The following CACNA1C variants were observed in gnomAD, a reference collection of about 807,000 sequenced individuals.
CACNA1C encodes calcium voltage-gated channel subunit alpha1 C.
Under a neutral mutation model 229.0 loss-of-function variants are expected in CACNA1C, and 30 were observed. The ratio of observed to expected loss-of-function variants is 0.13; its 90% CI spans 0.10 to 0.18. The LOEUF is 0.18. CACNA1C is among the 10% of genes least tolerant of loss of function. The pLI is 1.00. For synonymous variants in CACNA1C, 1,114 were observed against 1,132.5 expected, an observed-to-expected ratio of 0.98 and a Z score of 0.33; for missense variants, 1,658 against 2,845.0, an observed-to-expected ratio of 0.58 and a Z score of 9.49.
chr12:2,037,441 G>A (rs2049338400), intron 1 of CACNA1C, among the ~76,000 whole-genome samples: 1 of 152,212 alleles, frequency 6.6e-6, no homozygotes, highest in South Asian at 2.1e-4. Flanking sequence ...TTAGCTGTGA[G>A]TTAAAGTATC....
At chr12:2,628,102 G>A (rs950126848) in intron 29 of CACNA1C, among the ~76,000 whole-genome samples, 1 of 152,234 alleles carries the variant, frequency 6.6e-6, no homozygotes, top group Non-Finnish European at 1.5e-5. Flanking sequence ...GGACTTCGTC[G>A]TGGACGCCTT....
At chr12:2,577,470 A>T (rs2058829502) in intron 13 of CACNA1C, among the ~76,000 whole-genome samples, 1 of 152,228 alleles carries the variant, frequency 6.6e-6, no homozygotes, top group African/African-American at 2.4e-5. Flanking sequence ...TATTAGTTTG[A>T]TGCATGGTCT....
Position 2,191,691 on chromosome 12 carries a change from C to G in CACNA1C, c.477+71261C>G, listed in dbSNP as rs537169767. Reference sequence around the variant, plus strand: ...ACTCATACAGGCACACACGTACACCCAGGCACATGCACACATGGTCTCATA... The same window carrying G: ...ACTCATACAGGCACACACGTACACCGAGGCACATGCACACATGGTCTCATA... On this transcript the variant is annotated intron_variant, in intron 3 of 46. Coordinates refer to ENST00000399655, the MANE Select transcript of CACNA1C (RefSeq NM_000719.7). Among the ~76,000 whole-genome samples the G allele has an allele frequency of 5.3e-5, 8 of 151,944 alleles. No individual in the cohort carries two copies. In the South Asian group the frequency reaches 1.0e-3, roughly 20 times the overall value.
chr12:1,989,940 T>C (rs188505486), intron 1 of CACNA1C, among the ~76,000 whole-genome samples: 7 of 152,356 alleles, frequency 4.6e-5, no homozygotes, highest in Admixed American at 2.6e-4. Flanking sequence ...TAATAACTGA[T>C]ATATGCTTGA....
In CACNA1C at chr12:2,669,106, G is replaced by GC. The variant is rs3834937; in HGVS notation, c.4726+73dup. On this transcript the variant is annotated intron_variant, in intron 38 of 46. Transcript: ENST00000399655. The stretch of plus-strand genomic sequence containing the variant: ...CAGACAATCAGAGAGGAGCTCGGCA[G>GC]CCTGCAAAGTGCTCAAGGGAACTTC... The GC allele has an allele frequency of 0.058, 62,418 of 1,077,638 alleles. 3,050 individuals are homozygous for GC. The highest frequency in any genetic ancestry group is 0.16 in the East Asian group (6,922 of 42,406). The allele number at this position is 1,077,638 out of a possible 1,614,324, so 66.8% of individuals were successfully genotyped here. A position where few individuals can be genotyped will look rare whatever the true frequency, so the allele number is the denominator to read the frequency against.
At chr12:2,452,434 G>A (rs933035047) in intron 4 of CACNA1C, among the ~76,000 whole-genome samples, 6 of 152,122 alleles carry the variant, frequency 3.9e-5, no homozygotes, top group Non-Finnish European at 8.8e-5. Flanking sequence ...TGGAGGCCCT[G>A]CCTTTCCCAT....
chr12:2,685,854 G>T lies in CACNA1C; in HGVS notation c.5680+12G>T. 2 of 1,579,576 alleles carry T rather than the reference G, an allele frequency of 1.3e-6. No homozygotes were observed. The highest frequency in any genetic ancestry group is 1.7e-6 in the Non-Finnish European group (2 of 1,148,644). Reference sequence around the variant, plus strand: ...CTCTGCCTCACTAGGTAAATGCACCGCTCGCTCTCTGGATGTGGTCGGCGG... The same window carrying T: ...CTCTGCCTCACTAGGTAAATGCACCTCTCGCTCTCTGGATGTGGTCGGCGG... On this transcript the variant is annotated intron_variant, in intron 44 of 46. Coordinates refer to ENST00000399655, the MANE Select transcript of CACNA1C (RefSeq NM_000719.7).
intron 5 of CACNA1C, among the ~76,000 whole-genome samples, chr12:2,460,461 G>GA (rs1383768741): frequency 6.6e-6 from 1 of 152,212 alleles, no homozygotes; most frequent in Non-Finnish European, 1.5e-5. Context: ...TTCTTAATTA[G>GA]AGATGAATAT....
At chr12:2,347,005 G>C (rs1028750446) in intron 3 of CACNA1C, among the ~76,000 whole-genome samples, 1 of 152,122 alleles carries the variant, frequency 6.6e-6, no homozygotes, top group Non-Finnish European at 1.5e-5. Context: ...GAGGCCATCT[G>C]ACCCCCTTTC....
chr12:2,374,441 A>G (rs73607721), intron 3 of CACNA1C, among the ~76,000 whole-genome samples: 1,951 of 152,304 alleles, frequency 0.013, 45 homozygotes, highest in African/African-American at 0.042. Context: ...TCGTAACTCA[A>G]TATTCCAGCC....
intron 37 of CACNA1C, chr12:2,668,449 C>G (rs2096357506): frequency 6.5e-6 from 1 of 154,076 alleles, no homozygotes; most frequent in Non-Finnish European, 1.4e-5. Flanking sequence ...CCAGCATCCT[C>G]TGTGTATTAG....
intron 39 of CACNA1C, among the ~76,000 whole-genome samples, chr12:2,674,855 GCACAA>G (rs1178006167): frequency 6.6e-6 from 1 of 152,192 alleles, no homozygotes. Flanking sequence ...GCAACGCCCT[GCACAA>G]ACTCAGAAAC....
Position 2,034,407 on chromosome 12 carries a change from C to T in CACNA1C, c.139+63206C>T, listed in dbSNP as rs1269629657. Among the ~76,000 whole-genome samples, 2 of 152,238 alleles carry T rather than the reference C, an allele frequency of 1.3e-5. No homozygotes were observed. The highest frequency in any genetic ancestry group is 4.8e-5 in the African/African-American group (2 of 41,462). On this transcript the variant is annotated intron_variant, in intron 1 of 46. Coordinates refer to the CACNA1C transcript ENST00000682462. The surrounding 1 kb of genome is among the most constrained non-coding windows in gnomAD (Gnocchi z 4.1). Reference sequence around the variant, plus strand: ...AGATTCCACGCAACCTGATAAAGAACTTGCTCATGGTCAGAGTTGTCCAGA... The same window carrying T: ...AGATTCCACGCAACCTGATAAAGAATTTGCTCATGGTCAGAGTTGTCCAGA...
intron 1 of CACNA1C, chr12:1,993,416 G>A: frequency 1.2e-6 from 2 of 1,603,308 alleles, no homozygotes; most frequent in Non-Finnish European, 1.7e-6. Flanking sequence ...GAGTCAGGGG[G>A]AAATCAATAG....
intron 3 of CACNA1C, among the ~76,000 whole-genome samples, chr12:2,124,122 G>A (rs2088673746): frequency 6.9e-6 from 1 of 144,166 alleles, no homozygotes; most frequent in Non-Finnish European, 1.5e-5. Flanking sequence ...GTGTGTGTGT[G>A]TGTGTGTGTG....
chr12:2,062,854 C>T (rs1594761512), intron 1 of CACNA1C, among the ~76,000 whole-genome samples: 1 of 152,324 alleles, frequency 6.6e-6, no homozygotes, highest in South Asian at 2.1e-4. Context: ...AAACGAGATT[C>T]CCGTGAGTCC....
At position 2,639,878 on chromosome 12, in the gene CACNA1C, G is replaced by C. The variant is rs1425989577; in HGVS notation, c.3912+5498G>C. Among the ~76,000 whole-genome samples the C allele has an allele frequency of 6.6e-6, 1 of 152,160 alleles. No individual in the cohort carries two copies. The highest frequency in any genetic ancestry group is 2.4e-5 in the African/African-American group (1 of 41,432). On this transcript the variant is annotated intron_variant, in intron 30 of 46. Coordinates refer to ENST00000399655, the MANE Select transcript of CACNA1C (RefSeq NM_000719.7). This position sits in a 1 kb window ranked among gnomAD's most constrained non-coding sequence, Gnocchi z 4.2. ...TCACCTGGAGATTCTCCAGAGAAAA[G>C]GAGCAGGAGAAAGACCTTCGGGGAG...
intron 6 of CACNA1C, among the ~76,000 whole-genome samples, chr12:2,489,376 C>G (rs2099708859): frequency 6.6e-6 from 1 of 152,250 alleles, no homozygotes; most frequent in African/African-American, 2.4e-5. Flanking sequence ...TGTTCTACCT[C>G]TAGACTGCCC....
At chr12:2,022,549 T>A (rs1376326873) in intron 1 of CACNA1C, among the ~76,000 whole-genome samples, 1 of 150,884 alleles carries the variant, frequency 6.6e-6, no homozygotes, top group African/African-American at 2.4e-5. Flanking sequence ...GTCCAAGTGG[T>A]CCTCCTGCCT....
Sources: allele counts gnomAD v4.1 joint callset (sites outside exome capture counted in the v4.1 genomes callset), GRCh38; gene constraint gnomAD v4.1.1; non-coding constraint Gnocchi (gnomAD v3.1); transcripts MANE v1.5; gene names NCBI Gene and HGNC (gene_info 2026-07-23, HGNC 2026-07-21).